TCAIM: variants seen among roughly 807,000 people sequenced by gnomAD.
TCAIM encodes T-cell activation inhibitor, mitochondrial.
In TCAIM, 36 loss-of-function variants were observed where a neutral mutation model predicts 58.6. The ratio of observed to expected loss-of-function variants is 0.61; its 90% CI spans 0.47 to 0.81. The LOEUF (loss-of-function observed/expected upper bound fraction) is 0.81. Ranked by LOEUF, TCAIM falls within the 30% of genes least tolerant of loss-of-function variation. The pLI is 0.00. For missense variants in TCAIM, 466 were observed against 579.6 expected (o/e 0.80, Z 2.01); for synonymous variants, 172 against 193.6 (o/e 0.89, Z 0.93).
At chr3:44,401,010 T>G (rs1474946600) in intron 9 of TCAIM, 193 bp from the exon 10 acceptor site, 2 of 745,086 alleles carry the variant, frequency 2.7e-6, no homozygotes, top group Admixed American at 6.2e-5. Context: ...TCAGAGGGCT[T>G]GCAAGTAGGT....
At chr3:44,380,960 A>G (rs1294703878) in intron 5 of TCAIM, among the ~76,000 whole-genome samples, 7 of 152,220 alleles carry the variant, frequency 4.6e-5, no homozygotes, top group Non-Finnish European at 1.0e-4. Flanking sequence ...ACAAAGAAAT[A>G]GAAAATGAGA....
At chr3:44,361,334 G>T (rs756081222) in intron 3 of TCAIM, 31 bp from the exon 4 acceptor site, 5 of 1,549,968 alleles carry the variant, frequency 3.2e-6, no homozygotes, top group East Asian at 2.3e-5. Context: ...GTTCTATTTT[G>T]TATGTAAATG....
At chr3:44,347,321 T>C (rs112195854) in intron 1 of TCAIM, among the ~76,000 whole-genome samples, 9 of 152,050 alleles carry the variant, frequency 5.9e-5, no homozygotes, top group African/African-American at 2.2e-4. Context: ...TAATAAGGTG[T>C]GAAGTAGATG....
At chr3:44,338,506 C>G (rs545701507), upstream of TCAIM, 1 of 152,564 alleles carries the variant, frequency 6.6e-6, no homozygotes, top group East Asian at 1.9e-4. Flanking sequence ...GCTCGTCCCC[C>G]TGCCCGGGCT....
At chr3:44,358,074 G>T in intron 3 of TCAIM, 198 bp downstream of exon 3, 1 of 1,359,390 alleles carries the variant, frequency 7.4e-7, no homozygotes. Flanking sequence ...GTTTTGTGCA[G>T]GCAATAAAGC....
chr3:44,406,626 A>G (rs1465489176), intron 10 of TCAIM, among the ~76,000 whole-genome samples: 1 of 152,194 alleles, frequency 6.6e-6, no homozygotes, highest in African/African-American at 2.4e-5. Flanking sequence ...CTACTTTTCT[A>G]TGCAGTGTTT....
intron 5 of TCAIM, 41 bp downstream of exon 5, chr3:44,367,749 T>C (rs1260968236): frequency 6.5e-7 from 1 of 1,533,868 alleles, no homozygotes; most frequent in Non-Finnish European, 8.8e-7. Context: ...TATTTGTAGT[T>C]TGTGTTTATG....
chr3:44,406,293 T>C (rs1702099094), intron 10 of TCAIM, among the ~76,000 whole-genome samples: 1 of 152,192 alleles, frequency 6.6e-6, no homozygotes, highest in Admixed American at 6.5e-5. Context: ...CCAAGCATGG[T>C]TGTTAATATC....
chr3:44,363,994 T>TC (rs1364471306), intron 4 of TCAIM, among the ~76,000 whole-genome samples: 1 of 144,554 alleles, frequency 6.9e-6, no homozygotes, highest in African/African-American at 2.6e-5. Flanking sequence ...AGTGGTGCAA[T>TC]CTTGGCTCAC....
intron 1 of TCAIM, among the ~76,000 whole-genome samples, chr3:44,352,850 G>C (rs1701118182): frequency 6.6e-6 from 1 of 150,950 alleles, no homozygotes. Flanking sequence ...GCCTTTCCCA[G>C]ACTGCTTGGA....
chr3:44,372,067 AAGGAAGG>A (rs1434371466), intron 5 of TCAIM, among the ~76,000 whole-genome samples: 1 of 125,938 alleles, frequency 7.9e-6, no homozygotes, highest in African/African-American at 3.0e-5. Flanking sequence ...GGAAGGAAGG[AAGGAAGG>A]AAGATACAGT....
chr3:44,340,150 A>G (rs1243615274), intron 1 of TCAIM: 1 of 152,032 alleles, frequency 6.6e-6, no homozygotes, highest in African/African-American at 2.4e-5. Context: ...AGAGCACCCA[A>G]CTCTACTCTG....
chr3:44,377,074 AG>A (rs1217383827), intron 5 of TCAIM, among the ~76,000 whole-genome samples: 1 of 152,222 alleles, frequency 6.6e-6, no homozygotes. Flanking sequence ...TGGGCAACAG[AG>A]TGAGACTCCG....
rs1701399537 is a variant in TCAIM at position 44,367,566 on chromosome 3, A to G, written c.430A>G (p.Asn144Asp). The G allele has an allele frequency of 6.2e-7, 1 of 1,614,022 alleles. No individual in the cohort carries two copies. Among genetic ancestry groups the G allele is most frequent in the Admixed American group, 1.7e-5 (1 of 60,000 alleles). The change falls in exon 5 of 11, where the codon AAT becomes GAT. Residue 144 changes from asparagine (N) to aspartate (D), a missense_variant. By Grantham distance (23) the Asn-to-Asp change is conservative (BLOSUM62 1). Transcript: ENST00000342649. ...TGAACATATCCAAAGCTTGAATACT[A>G]ATATGCATACCCAGCCTCTCAAAGA... ...SVEHIQSLNT[N>D]MHTQPLKEAK...
intron 9 of TCAIM, 199 bp downstream of exon 9, chr3:44,400,786 A>G (rs1413467231): frequency 6.8e-6 from 4 of 584,448 alleles, no homozygotes; most frequent in Non-Finnish European, 1.2e-5. Flanking sequence ...TGTCTAGAAC[A>G]TTCTTTGAAT....
At chr3:44,362,020 TCA>T (rs1156965267) in intron 4 of TCAIM, among the ~76,000 whole-genome samples, 1 of 152,194 alleles carries the variant, frequency 6.6e-6, no homozygotes, top group Non-Finnish European at 1.5e-5. Context: ...CTACCTTTTG[TCA>T]CTGCTTATCC....
In TCAIM at chr3:44,392,766, G is replaced by A. The variant is rs534768710; in HGVS notation, c.573-89G>A. 117 of 1,256,744 alleles carry A rather than the reference G, an allele frequency of 9.3e-5. 1 individual carries two copies. In the African/African-American group the frequency reaches 1.5e-3, roughly 17 times the overall value. 77.8% of individuals were successfully genotyped at this position (1,256,744 alleles called of 1,614,324 possible). ...GTTGATTCCAAGTCTTTGCTATTGT[G>A]AATATGCAAGTGCATGCATGTGTCT... On this transcript the variant is annotated intron_variant, in intron 5 of 10. Transcript: ENST00000342649.
At chr3:44,386,833 G>A (rs1182204741) in intron 5 of TCAIM, among the ~76,000 whole-genome samples, 1 of 152,252 alleles carries the variant, frequency 6.6e-6, no homozygotes, top group Non-Finnish European at 1.5e-5. Flanking sequence ...GGGTACCATG[G>A]ACGGCATGTT....
chr3:44,360,459 CTTTAA>C (rs1701276962), intron 3 of TCAIM, among the ~76,000 whole-genome samples: 2 of 151,614 alleles, frequency 1.3e-5, no homozygotes, highest in Admixed American at 6.6e-5. Flanking sequence ...AAAAAATCCT[CTTTAA>C]TTTAATTTAA....
Sources: allele counts gnomAD v4.1 joint callset (sites outside exome capture counted in the v4.1 genomes callset), GRCh38; gene constraint gnomAD v4.1.1; transcripts MANE v1.5; gene names NCBI Gene and HGNC (gene_info 2026-07-23, HGNC 2026-07-21).